Variants in FAF1 observed in about 807,000 individuals in gnomAD.
The protein encoded by FAF1 is FAS-associated factor 1.
In FAF1, 25 loss-of-function variants were observed where a neutral mutation model predicts 92.5. That is an observed-to-expected ratio of 0.27 (90% CI 0.20 to 0.38). The LOEUF (loss-of-function observed/expected upper bound fraction) is 0.38. Ranked by LOEUF, FAF1 falls within the 10% of genes least tolerant of loss-of-function variation. FAF1 has a pLI of 1.00. For missense variants in FAF1, 636 were observed against 793.3 expected, an observed-to-expected ratio of 0.80 and a Z score of 2.38; for synonymous variants, 234 against 273.2, an observed-to-expected ratio of 0.86 and a Z score of 1.42.
At chr1:50,681,267 G>GACCTGGTC (rs1656408425) in intron 7 of FAF1, among the ~76,000 whole-genome samples, 1 of 151,952 alleles carries the variant, frequency 6.6e-6, no homozygotes, top group Non-Finnish European at 1.5e-5. Flanking sequence ...AGCTGGTCTT[G>GACCTGGTC]AAGTCCTGAC....
intron 1 of FAF1, among the ~76,000 whole-genome samples, chr1:50,955,480 G>C (rs1477693676): frequency 6.6e-6 from 1 of 152,124 alleles, no homozygotes; most frequent in Non-Finnish European, 1.5e-5. Context: ...AAATTCATTT[G>C]CTCAGAGCTG....
chr1:50,648,087 C>T (rs1307004361), intron 8 of FAF1, among the ~76,000 whole-genome samples: 2 of 151,978 alleles, frequency 1.3e-5, no homozygotes, highest in African/African-American at 2.4e-5. Context: ...AGTGAAACCC[C>T]GTCTCTACTA....
intron 5 of FAF1, among the ~76,000 whole-genome samples, chr1:50,743,337 CT>C (rs960003873): frequency 1.3e-5 from 2 of 151,762 alleles, no homozygotes; most frequent in Admixed American, 1.3e-4. Flanking sequence ...TTTTATTTAT[CT>C]TTTTTTTGAG....
intron 6 of FAF1, among the ~76,000 whole-genome samples, chr1:50,734,893 T>C (rs1170566790): frequency 6.6e-6 from 1 of 152,074 alleles, no homozygotes; most frequent in Non-Finnish European, 1.5e-5. Flanking sequence ...TATTTAGAAA[T>C]TGAAGAGTTG....
intron 8 of FAF1, among the ~76,000 whole-genome samples, chr1:50,652,011 A>T (rs1232171255): frequency 6.6e-6 from 1 of 152,236 alleles, no homozygotes; most frequent in Non-Finnish European, 1.5e-5. Flanking sequence ...GGCCCTAAAC[A>T]TCTTTGTTGT....
chr1:50,467,548 C>T (rs1302824330), intron 18 of FAF1, among the ~76,000 whole-genome samples: 1 of 152,074 alleles, frequency 6.6e-6, no homozygotes, highest in African/African-American at 2.4e-5. Flanking sequence ...CTCCTGACCT[C>T]GTGATCTGCC....
intron 1 of FAF1, among the ~76,000 whole-genome samples, chr1:50,940,146 A>G (rs1014399721): frequency 6.6e-6 from 1 of 152,158 alleles, no homozygotes; most frequent in Non-Finnish European, 1.5e-5. Context: ...TCCTGAGCTC[A>G]AGCAATCTGC....
At chr1:50,864,571 G>T (rs1203677553) in intron 1 of FAF1, among the ~76,000 whole-genome samples, 2,019 of 151,610 alleles carry the variant, frequency 0.013, 27 homozygotes, top group Non-Finnish European at 0.017. Flanking sequence ...ACAAACCTGA[G>T]AAAAACAAGC....
intron 13 of FAF1, among the ~76,000 whole-genome samples, chr1:50,542,473 G>A (rs1457957161): frequency 6.6e-6 from 1 of 152,102 alleles, no homozygotes; most frequent in Non-Finnish European, 1.5e-5. Flanking sequence ...AATAGATGGG[G>A]AAAAACCAGT....
intron 8 of FAF1, among the ~76,000 whole-genome samples, chr1:50,617,560 T>C (rs762616409): frequency 1.3e-5 from 2 of 152,180 alleles, no homozygotes; most frequent in African/African-American, 2.4e-5. Context: ...TAGTATTTTA[T>C]TGAGGAGTTT....
At chr1:50,774,704 T>A (rs2124551605) in intron 4 of FAF1, among the ~76,000 whole-genome samples, 1 of 152,272 alleles carries the variant, frequency 6.6e-6, no homozygotes, top group South Asian at 2.1e-4. Context: ...TAACAAACTT[T>A]ATTAAACAAA....
intron 7 of FAF1, among the ~76,000 whole-genome samples, chr1:50,698,853 A>G (rs1657343568): frequency 6.6e-6 from 1 of 152,106 alleles, no homozygotes; most frequent in South Asian, 2.1e-4. Context: ...TAAGAAATAA[A>G]AAAGATTTTT....
At chr1:50,678,567 G>A (rs971446040) in intron 7 of FAF1, among the ~76,000 whole-genome samples, 2 of 151,938 alleles carry the variant, frequency 1.3e-5, no homozygotes, top group Non-Finnish European at 2.9e-5. Context: ...GGATCACGAG[G>A]TCAGGAGATA....
intron 2 of FAF1, among the ~76,000 whole-genome samples, chr1:50,826,087 G>T (rs879003839): frequency 6.6e-6 from 1 of 151,938 alleles, no homozygotes; most frequent in Non-Finnish European, 1.5e-5. Flanking sequence ...AATGATCTAA[G>T]CACTCATATC....
chr1:50,506,129 A>G (rs58446086), intron 15 of FAF1, among the ~76,000 whole-genome samples: 10,245 of 152,280 alleles, frequency 0.067, 424 homozygotes, highest in East Asian at 0.094. Flanking sequence ...ACAGGTTTCT[A>G]GGTATCTAGG....
chr1:50,930,807 GA>G (rs111425975), intron 1 of FAF1, among the ~76,000 whole-genome samples: 3,056 of 151,444 alleles, frequency 0.02, 100 homozygotes, highest in African/African-American at 0.071. Context: ...TCTCAAAAAA[GA>G]AAAAAAAGTA....
At chr1:50,665,818 ATC>A (rs1170319882) in intron 7 of FAF1, among the ~76,000 whole-genome samples, 2 of 152,192 alleles carry the variant, frequency 1.3e-5, no homozygotes, top group Non-Finnish European at 2.9e-5. Flanking sequence ...AATAATATGC[ATC>A]TCTGTTTAAG....
chr1:50,719,425 A>G (rs912364190), intron 6 of FAF1, among the ~76,000 whole-genome samples: 1 of 152,214 alleles, frequency 6.6e-6, no homozygotes, highest in African/African-American at 2.4e-5. Context: ...CTTTGCTGGC[A>G]ATTAAACATG....
At chr1:50,626,346 T>A (rs1005262834) in intron 8 of FAF1, among the ~76,000 whole-genome samples, 1 of 152,104 alleles carries the variant, frequency 6.6e-6, no homozygotes, top group Non-Finnish European at 1.5e-5. Context: ...GAACATATGG[T>A]ATAAAATAGG....
Sources: gnomAD v4.1 joint callset for allele counts (sites outside exome capture counted in the v4.1 genomes callset) on GRCh38, gnomAD v4.1.1 for gene constraint, MANE v1.5 for transcripts, NCBI Gene and HGNC (gene_info 2026-07-23, HGNC 2026-07-21) for gene names.